ALPK1: variants seen among roughly 807,000 people sequenced by gnomAD.
The protein encoded by ALPK1 is alpha kinase 1, also known as alpha-protein kinase 1.
ALPK1 carries 110 observed loss-of-function variants against 120.6 expected under a neutral mutation model. That is an observed-to-expected ratio of 0.91 (90% confidence interval 0.78 to 1.07). The LOEUF (loss-of-function observed/expected upper bound fraction) is 1.07, where lower values mean the gene tolerates loss of function less well. Ranked by LOEUF, ALPK1 falls within the 50% of genes least tolerant of loss-of-function variation. ALPK1 has a pLI of 0.00. For synonymous variants in ALPK1, 582 were observed against 560.3 expected, an observed-to-expected ratio of 1.04 and a Z score of -0.55; for missense variants, 1,498 against 1,483.9, an observed-to-expected ratio of 1.01 and a Z score of -0.16.
intron 2 of ALPK1, among the ~76,000 whole-genome samples, chr4:112,330,497 G>C (rs528377369): frequency 6.6e-6 from 1 of 152,212 alleles, no homozygotes; most frequent in African/African-American, 2.4e-5. Flanking sequence ...TATTGGCTAC[G>C]GTCCTTGTTT....
At chr4:112,355,399 T>C (rs1025588329) in intron 2 of ALPK1, among the ~76,000 whole-genome samples, 1 of 152,134 alleles carries the variant, frequency 6.6e-6, no homozygotes. Context: ...GAGCAGAAGC[T>C]GGACCGAGCG....
At chr4:112,332,963 G>T (rs1729450259) in intron 2 of ALPK1, among the ~76,000 whole-genome samples, 1 of 152,142 alleles carries the variant, frequency 6.6e-6, no homozygotes, top group Admixed American at 6.5e-5. Context: ...CAAAGAACTT[G>T]GCTTCAAGGG....
At chr4:112,335,581 G>T (rs59068084) in intron 2 of ALPK1, among the ~76,000 whole-genome samples, 64,730 of 151,960 alleles carry the variant, frequency 0.43, 14,295 homozygotes, top group East Asian at 0.72. Flanking sequence ...ATCTGTGTGG[G>T]GTGAGTTTCT....
intron 2 of ALPK1, among the ~76,000 whole-genome samples, chr4:112,318,352 G>A (rs1002742187): frequency 1.1e-4 from 17 of 152,178 alleles, no homozygotes; most frequent in African/African-American, 4.1e-4. Context: ...ATGAGGAAGT[G>A]GTGTTAACTC....
At chr4:112,382,627 T>A (rs1731977048) in intron 4 of ALPK1, 75 bp downstream of exon 4, 1 of 1,603,860 alleles carries the variant, frequency 6.2e-7, no homozygotes, top group African/African-American at 1.3e-5. Context: ...TCTAATAGAT[T>A]AAATTTCTTT....
intron 2 of ALPK1, chr4:112,356,101 G>A: frequency 1.5e-6 from 2 of 1,306,308 alleles, no homozygotes; most frequent in Admixed American, 1.7e-5. Flanking sequence ...CTGCCCCTCA[G>A]CCACCCTCTG....
chr4:112,427,581 G>T lies in ALPK1; in HGVS notation c.711G>T (p.Thr237=). ...LPQPDKKGLS[T]SLGILADIFV... ...TGTTTTTCTTACAGGGCCTCTCCACGTCGCTAGGTATACTGGCAGACATCT... is the reference window on the plus strand; with the variant it reads ...TGTTTTTCTTACAGGGCCTCTCCACTTCGCTAGGTATACTGGCAGACATCT... Residue 237 remains threonine (T), a synonymous_variant, in exon 9 of 16, where the codon ACG becomes ACT. Transcript: ENST00000650871. 1.2e-6 allele frequency: 2 copies of T among 1,613,822 alleles called. No individual in the cohort carries two copies. The highest frequency in any genetic ancestry group is 2.2e-5 in the South Asian group (2 of 91,062).
intron 4 of ALPK1, among the ~76,000 whole-genome samples, chr4:112,406,316 T>C (rs1456127266): frequency 1.3e-5 from 2 of 152,182 alleles, no homozygotes; most frequent in African/African-American, 4.8e-5. Flanking sequence ...GAAGGAAATC[T>C]TGCCACATGC....
chr4:112,430,805 C>T lies in ALPK1; in HGVS notation c.1258C>T (p.Gln420Ter). The T allele has an allele frequency of 6.2e-7, 1 of 1,614,228 alleles. No homozygotes were observed. The highest frequency in any genetic ancestry group is 8.5e-7 in the Non-Finnish European group (1 of 1,180,030). Residue 420 changes from glutamine (Q) to a stop codon, truncating the protein, a stop_gained, in exon 11 of 16, where the codon CAA (glutamine) becomes TAA (stop). Coordinates refer to ENST00000650871, the MANE Select transcript of ALPK1 (RefSeq NM_025144.4). LOFTEE classifies it high-confidence loss of function. ...GATTGCCCAGGTGAAGGAACATTTACAAGTTCAAAGCTTCTCAAATGTAGA... is the reference window on the plus strand; with the variant it reads ...GATTGCCCAGGTGAAGGAACATTTATAAGTTCAAAGCTTCTCAAATGTAGA... The part of the protein sequence containing the change: ...SVIAQVKEHL[Q>*]VQSFSNVDDR...
chr4:112,428,458 G>T (rs918309266), intron 9 of ALPK1, among the ~76,000 whole-genome samples: 1 of 152,160 alleles, frequency 6.6e-6, no homozygotes, highest in Non-Finnish European at 1.5e-5. Flanking sequence ...AACACATACA[G>T]CTTGCTGATG....
At chr4:112,390,361 G>A (rs1732352256) in intron 4 of ALPK1, among the ~76,000 whole-genome samples, 1 of 152,040 alleles carries the variant, frequency 6.6e-6, no homozygotes, top group Non-Finnish European at 1.5e-5. Context: ...CTGATCTCTG[G>A]GACTAAATCA....
intron 6 of ALPK1, among the ~76,000 whole-genome samples, chr4:112,424,605 A>G (rs967771520): frequency 6.6e-6 from 1 of 152,210 alleles, no homozygotes; most frequent in Non-Finnish European, 1.5e-5. Context: ...CACAGTTTCC[A>G]TTGGACTTTT....
intron 4 of ALPK1, among the ~76,000 whole-genome samples, chr4:112,397,831 T>C (rs993834224): frequency 2.6e-5 from 4 of 152,084 alleles, no homozygotes; most frequent in Admixed American, 6.6e-5. Flanking sequence ...TCTTAAAATA[T>C]ATATATTCCT....
intron 2 of ALPK1, among the ~76,000 whole-genome samples, chr4:112,349,551 G>GCCCC (rs10625139): frequency 0.022 from 2,288 of 103,476 alleles, 57 homozygotes; most frequent in Non-Finnish European, 0.026. Flanking sequence ...CCCAACCCCT[G>GCCCC]CCCCCCCCCG....
At chr4:112,350,403 C>T (rs940241085) in intron 2 of ALPK1, among the ~76,000 whole-genome samples, 2 of 152,144 alleles carry the variant, frequency 1.3e-5, no homozygotes, top group Non-Finnish European at 2.9e-5. Context: ...TTTTCATGTA[C>T]GTATCACACC....
At chr4:112,317,091 A>AT (rs1728669436) in intron 2 of ALPK1, among the ~76,000 whole-genome samples, 1 of 151,946 alleles carries the variant, frequency 6.6e-6, no homozygotes, top group South Asian at 2.1e-4. Context: ...GGGTTGTTTG[A>AT]TTTTTTTGTT....
At chr4:112,321,797 A>G (rs1192019068) in intron 2 of ALPK1, among the ~76,000 whole-genome samples, 1 of 152,194 alleles carries the variant, frequency 6.6e-6, no homozygotes, top group Non-Finnish European at 1.5e-5. Flanking sequence ...CAGTTGCATA[A>G]TATGCACTGC....
Position 112,369,972 on chromosome 4 carries a change from G to A in ALPK1, c.-100-7706G>A, listed in dbSNP as rs1301111843. On this transcript the variant is annotated intron_variant, in intron 2 of 15. Transcript: ENST00000650871. ...CTTTCTCCACATCTTCTAGCTTGGG[G>A]ATTCTGACTAGTTGGCTAGTGGGTT... Among the ~76,000 whole-genome samples, 3 of 152,138 alleles carry A rather than the reference G, an allele frequency of 2.0e-5. No homozygotes were observed. In the South Asian group the frequency reaches 6.2e-4, roughly 32 times the overall value.
intron 4 of ALPK1, among the ~76,000 whole-genome samples, chr4:112,403,695 G>A (rs1281009790): frequency 6.6e-6 from 1 of 152,184 alleles, no homozygotes; most frequent in East Asian, 1.9e-4. Context: ...TCTCAGCAGT[G>A]CTCAATAGCT....
Sources: allele counts gnomAD v4.1 joint callset (sites outside exome capture counted in the v4.1 genomes callset), GRCh38; gene constraint gnomAD v4.1.1; transcripts MANE v1.5; gene names NCBI Gene and HGNC (gene_info 2026-07-23, HGNC 2026-07-21).